CACNA2D3: variants seen among roughly 807,000 people sequenced by gnomAD.
CACNA2D3 encodes the protein calcium voltage-gated channel auxiliary subunit alpha2delta 3.
CACNA2D3 carries 60 observed loss-of-function variants against 160.6 expected under a neutral mutation model. The observed-to-expected ratio is 0.37, with a 90% CI of 0.30 to 0.46. The LOEUF (loss-of-function observed/expected upper bound fraction) is 0.46, where lower values mean the gene tolerates loss of function less well. Ranked by LOEUF, CACNA2D3 falls within the 20% of genes least tolerant of loss-of-function variation. The pLI, the probability that CACNA2D3 is intolerant of heterozygous loss-of-function variation, is 1.00. For missense variants in CACNA2D3, 1,205 were observed against 1,365.0 expected, an observed-to-expected ratio of 0.88 and a Z score of 1.85; for synonymous variants, 558 against 492.9, an observed-to-expected ratio of 1.13 and a Z score of -1.75.
intron 35 of CACNA2D3, among the ~76,000 whole-genome samples, chr3:55,068,371 T>C (rs2107230143): frequency 6.6e-6 from 1 of 152,294 alleles, no homozygotes; most frequent in Middle Eastern, 3.4e-3. Flanking sequence ...GTCCTTCCCT[T>C]CCTTCTTCTC....
intron 17 of CACNA2D3, among the ~76,000 whole-genome samples, chr3:54,846,721 C>G (rs976175327): frequency 1.3e-5 from 2 of 152,118 alleles, no homozygotes; most frequent in African/African-American, 4.8e-5. Flanking sequence ...ATTTATTTAT[C>G]TCACATCTGC....
chr3:54,978,456 G>A (rs1379601940), intron 29 of CACNA2D3, among the ~76,000 whole-genome samples: 1 of 152,142 alleles, frequency 6.6e-6, no homozygotes, highest in Non-Finnish European at 1.5e-5. Flanking sequence ...AGAAAGCATT[G>A]GTATGGCAAG....
chr3:54,424,003 C>T (rs1438010956), intron 4 of CACNA2D3, among the ~76,000 whole-genome samples: 1 of 151,876 alleles, frequency 6.6e-6, no homozygotes, highest in Non-Finnish European at 1.5e-5. Flanking sequence ...GGGAGCACAG[C>T]TCAGCCTTCC....
At chr3:54,308,170 TGTG>T (rs1377680698) in intron 2 of CACNA2D3, among the ~76,000 whole-genome samples, 3 of 152,172 alleles carry the variant, frequency 2.0e-5, no homozygotes, top group South Asian at 2.1e-4. Flanking sequence ...TAAACCAAGG[TGTG>T]GTGGTTAAGA....
At chr3:54,531,415 C>CA (rs150323758) in intron 5 of CACNA2D3, among the ~76,000 whole-genome samples, 7 of 152,216 alleles carry the variant, frequency 4.6e-5, no homozygotes, top group African/African-American at 1.4e-4. Flanking sequence ...CCCACTTAAT[C>CA]AAAAAAATGG....
chr3:54,281,455 G>C (rs1443322329), intron 2 of CACNA2D3, among the ~76,000 whole-genome samples: 2 of 152,078 alleles, frequency 1.3e-5, no homozygotes, highest in Non-Finnish European at 2.9e-5. Flanking sequence ...GGATCATGAG[G>C]GGGAGGAAGT....
chr3:54,657,518 A>G (rs970172536), intron 11 of CACNA2D3, among the ~76,000 whole-genome samples: 5 of 152,144 alleles, frequency 3.3e-5, no homozygotes, highest in Admixed American at 2.6e-4. Flanking sequence ...ACATTCAACA[A>G]CAGCTCCCAT....
intron 25 of CACNA2D3, among the ~76,000 whole-genome samples, chr3:54,894,252 T>A (rs1259100250): frequency 3.9e-5 from 6 of 152,316 alleles, no homozygotes; most frequent in African/African-American, 9.6e-5. Flanking sequence ...CCTTCCTGTT[T>A]CCTCCAGAAT....
chr3:54,543,667 T>C (rs927476360), intron 5 of CACNA2D3, among the ~76,000 whole-genome samples: 14 of 152,234 alleles, frequency 9.2e-5, no homozygotes, highest in African/African-American at 3.1e-4. Flanking sequence ...TTGGTGGTCC[T>C]GTCAGGCTAG....
At chr3:54,506,682 G>T (rs540502957) in intron 5 of CACNA2D3, among the ~76,000 whole-genome samples, 46 of 152,260 alleles carry the variant, frequency 3.0e-4, no homozygotes, top group African/African-American at 1.1e-3. Context: ...TGCATCTCAG[G>T]GCCCTCAGGT....
rs185792752 is a variant in CACNA2D3 at position 54,451,444 on chromosome 3, C to T, written c.382-52048C>T. ...TTTGTATTTTTAAAACCTTGTTAGT[C>T]TTCTACAAATGTCAAGTGGATTCAT... On this transcript the variant is annotated intron_variant, in intron 4 of 37. Coordinates refer to ENST00000474759, the MANE Select transcript of CACNA2D3 (RefSeq NM_018398.3). Among the ~76,000 whole-genome samples, 30 of 151,848 alleles carry T rather than the reference C, an allele frequency of 2.0e-4. No homozygotes were observed. The East Asian group carries it at 5.8e-3, about 29-fold the overall frequency.
intron 17 of CACNA2D3, among the ~76,000 whole-genome samples, chr3:54,855,666 C>G (rs1277240892): frequency 1.3e-5 from 2 of 152,224 alleles, no homozygotes; most frequent in Non-Finnish European, 2.9e-5. Flanking sequence ...GAGAGACCCT[C>G]TGTCCTTTAT....
chr3:54,786,558 C>G (rs1204129738), intron 13 of CACNA2D3, among the ~76,000 whole-genome samples: 1 of 152,124 alleles, frequency 6.6e-6, no homozygotes, highest in Non-Finnish European at 1.5e-5. Flanking sequence ...CTGAATCATG[C>G]CCAAGTCTCT....
chr3:54,719,862 C>T (rs1701136900), intron 11 of CACNA2D3, among the ~76,000 whole-genome samples: 1 of 151,940 alleles, frequency 6.6e-6, no homozygotes, highest in South Asian at 2.1e-4. Context: ...CATCTTGATT[C>T]AGTTTTAGTA....
At chr3:54,488,952 C>A (rs1304946611) in intron 4 of CACNA2D3, among the ~76,000 whole-genome samples, 5 of 152,118 alleles carry the variant, frequency 3.3e-5, no homozygotes, top group Non-Finnish European at 7.3e-5. Flanking sequence ...AAGGAGGAAC[C>A]AGGATTGTGT....
At chr3:54,704,670 T>A (rs182402192) in intron 11 of CACNA2D3, among the ~76,000 whole-genome samples, 2 of 152,284 alleles carry the variant, frequency 1.3e-5, no homozygotes, top group East Asian at 3.9e-4. Context: ...AAGAGGTGTT[T>A]AGGCCAAGAG....
In CACNA2D3 at chr3:54,717,805, T is replaced by C. The variant is rs572745775; in HGVS notation, c.1168-34794T>C. 6.4e-3 allele frequency among the ~76,000 whole-genome samples: 894 copies of C among 139,204 alleles called. 6 individuals are homozygous for C. Among genetic ancestry groups the C allele is most frequent in the African/African-American group, 0.022 (832 of 37,902 alleles). The allele number at this position is 139,204 out of a possible 152,430, so 91.3% of individuals were successfully genotyped here. A position where few individuals can be genotyped will look rare whatever the true frequency, so the allele number is the denominator to read the frequency against. On this transcript the variant is annotated intron_variant, in intron 11 of 37. Transcript: ENST00000474759. ...CATGTGCGTGTGTGGTGTGCGTGTG[T>C]GCGCATGTTTGCGTGTGTGTGGTGT...
chr3:54,586,230 C>T (rs990126359), intron 9 of CACNA2D3, among the ~76,000 whole-genome samples: 1 of 142,116 alleles, frequency 7.0e-6, no homozygotes, highest in Non-Finnish European at 1.5e-5. Context: ...CACCACTGCA[C>T]TCCAGCCTGG....
intron 14 of CACNA2D3, among the ~76,000 whole-genome samples, chr3:54,826,071 A>T (rs1703742187): frequency 6.6e-6 from 1 of 152,206 alleles, no homozygotes. Flanking sequence ...CATTAAAACT[A>T]AAAAATTAAT....
Sources: allele counts gnomAD v4.1 joint callset (sites outside exome capture counted in the v4.1 genomes callset), GRCh38; gene constraint gnomAD v4.1.1; transcripts MANE v1.5; gene names NCBI Gene and HGNC (gene_info 2026-07-23, HGNC 2026-07-21).